Variants in TMPRSS15 observed in about 807,000 individuals in gnomAD.
The protein encoded by TMPRSS15 is enteropeptidase.
Under a neutral mutation model 125.3 loss-of-function variants are expected in TMPRSS15, and 128 were observed. The observed-to-expected ratio is 1.02, with a 90% CI of 0.89 to 1.18. The LOEUF (loss-of-function observed/expected upper bound fraction) is 1.18, where lower values mean the gene tolerates loss of function less well. Among genes scored for constraint, TMPRSS15 ranks in the 50% most tolerant of loss-of-function variants. TMPRSS15 has a pLI of 0.00. For missense variants in TMPRSS15, 1,283 were observed against 1,212.7 expected, an observed-to-expected ratio of 1.06 and a Z score of -0.86; for synonymous variants, 446 against 423.2, an observed-to-expected ratio of 1.05 and a Z score of -0.66.
chr21:18,398,113 C>T (rs1364215053), intron 2 of TMPRSS15, 86 bp downstream of exon 2: 32 of 1,495,048 alleles, frequency 2.1e-5, no homozygotes, highest in Non-Finnish European at 3.0e-5. Flanking sequence ...CATTTATTCT[C>T]TAGTTGTTTC....
At chr21:18,330,000 TAC>T (rs776176501) in intron 14 of TMPRSS15, among the ~76,000 whole-genome samples, 2 of 152,204 alleles carry the variant, frequency 1.3e-5, no homozygotes, top group Non-Finnish European at 2.9e-5. Context: ...TATATGGCTG[TAC>T]ATATTTCAAA....
chr21:18,460,894 G>T (rs138994462), intron 1 of TMPRSS15, among the ~76,000 whole-genome samples: 47 of 152,208 alleles, frequency 3.1e-4, no homozygotes, highest in African/African-American at 8.9e-4. Flanking sequence ...ACATGTTATT[G>T]CTATTTCCTT....
At chr21:18,287,025 T>C (rs924117170) in intron 21 of TMPRSS15, among the ~76,000 whole-genome samples, 1 of 152,246 alleles carries the variant, frequency 6.6e-6, no homozygotes, top group East Asian at 1.9e-4. Context: ...AACCACTGTA[T>C]CGAAAACAAC....
At chr21:18,358,924 C>G (rs1318099635) in intron 8 of TMPRSS15, among the ~76,000 whole-genome samples, 2 of 151,952 alleles carry the variant, frequency 1.3e-5, no homozygotes, top group African/African-American at 4.8e-5. Flanking sequence ...ATTTGAGAGG[C>G]AAGGTTCTTA....
intron 16 of TMPRSS15, among the ~76,000 whole-genome samples, chr21:18,315,884 G>C (rs979371410): frequency 1.3e-4 from 20 of 149,310 alleles, no homozygotes; most frequent in Non-Finnish European, 2.5e-4. Flanking sequence ...TGAGTCCTTT[G>C]CCACAGCTCA....
Position 18,269,494 on chromosome 21 carries a change from G to GAAAC in TMPRSS15, c.*471_*474dup, listed in dbSNP as rs1462527994. The GAAAC allele has an allele frequency of 6.3e-6, 1 of 157,548 alleles. No individual in the cohort carries two copies. The highest frequency in any genetic ancestry group is 1.9e-4 in the East Asian group (1 of 5,358). 9.8% of individuals were successfully genotyped at this position (157,548 alleles called of 1,614,324 possible). ...TGAAAATTTTGATAGAAAAGACAGAGAAACAATTGAGTTTCTGCTAATAGC... is the reference window on the plus strand; with the variant it reads ...TGAAAATTTTGATAGAAAAGACAGAGAAACAAACAATTGAGTTTCTGCTAATAGC... On this transcript the variant is annotated 3_prime_UTR_variant, in exon 25 of 25. Coordinates refer to ENST00000284885, the MANE Select transcript of TMPRSS15 (RefSeq NM_002772.3).
At position 18,270,171 on chromosome 21, in the gene TMPRSS15, A is replaced by T. The variant is rs892153149; in HGVS notation, c.2905-47T>A. 3 of 1,479,188 alleles carry T rather than the reference A, an allele frequency of 2.0e-6. No homozygotes were observed. In the African/African-American group the frequency reaches 4.2e-5, roughly 21 times the overall value. The allele number at this position is 1,479,188 out of a possible 1,614,324, so 91.6% of individuals were successfully genotyped here. A position where few individuals can be genotyped will look rare whatever the true frequency, so the allele number is the denominator to read the frequency against. On this transcript the variant is annotated intron_variant, in intron 24 of 24. Transcript: ENST00000284885. ...AAAATTGTAGATATGTGGTCAATTG[A>T]TCGAAACATATAAAATTATTTGTAT... is the stretch of plus-strand genomic sequence containing the variant.
In TMPRSS15 at chr21:18,281,025, ATTTT is replaced by A. The variant is rs3215891; in HGVS notation, c.2668+11_2668+14del. 5.2e-6 allele frequency: 7 copies of A among 1,350,546 alleles called. No individual in the cohort carries two copies. Among genetic ancestry groups the A allele is most frequent in the Non-Finnish European group, 7.2e-6 (7 of 969,208 alleles). 83.7% of individuals were successfully genotyped at this position (1,350,546 alleles called of 1,614,324 possible). On this transcript the variant is annotated intron_variant, in intron 22 of 24. Transcript: ENST00000284885. ...TTGGCAGATAAGATGACTAAGAGTG[ATTTT>A]TTTTTTTTACCTGTGTAATTCACTT...
At chr21:18,369,283 A>C (rs735587) in intron 6 of TMPRSS15, among the ~76,000 whole-genome samples, 4,385 of 152,266 alleles carry the variant, frequency 0.029, 196 homozygotes, top group African/African-American at 0.098. Flanking sequence ...TCTCCAGGAT[A>C]TATAAATCAA....
At position 18,343,958 on chromosome 21, in the gene TMPRSS15, A is replaced by C. The variant is rs779827707; in HGVS notation, c.1274T>G (p.Phe425Cys). 5.6e-6 allele frequency: 9 copies of C among 1,613,850 alleles called. No homozygotes were observed. The highest frequency in any genetic ancestry group is 6.8e-6 in the Non-Finnish European group (8 of 1,179,876). The change falls in exon 11 of 25, where the codon TTC becomes TGC. Residue 425 changes from phenylalanine to cysteine, a missense_variant. Transcript: ENST00000284885. ...TAAACAGGTGTCTACAACATACCAG[A>C]AACTAAGGCAAGCTGGCTCCAAAGT... is the stretch of plus-strand genomic sequence containing the variant. ...DPTLEPACLS[F>C]WYHMYGENVH...
At chr21:18,384,224 C>G (rs1416719578) in intron 3 of TMPRSS15, among the ~76,000 whole-genome samples, 1 of 152,132 alleles carries the variant, frequency 6.6e-6, no homozygotes, top group Non-Finnish European at 1.5e-5. Context: ...GAAAATTTTT[C>G]TACATAGTTT....
intron 1 of TMPRSS15, among the ~76,000 whole-genome samples, chr21:18,424,632 C>T (rs1313851898): frequency 6.6e-6 from 1 of 152,092 alleles, no homozygotes; most frequent in African/African-American, 2.4e-5. Context: ...AATGCCAACT[C>T]TGCAGATTCA....
At chr21:18,464,823 C>T in intron 1 of TMPRSS15, among the ~76,000 whole-genome samples, 1 of 152,124 alleles carries the variant, frequency 6.6e-6, no homozygotes, top group South Asian at 2.1e-4. Flanking sequence ...CCAATTTCTA[C>T]CAGAGGTACA....
rs544595826 is a variant in TMPRSS15, at chr21:18,379,196, G to A, written c.532+87C>T. The A allele has an allele frequency of 2.4e-4, 128 of 526,606 alleles. No homozygotes were observed. In the South Asian group the frequency reaches 6.8e-3, roughly 28 times the overall value. 32.6% of individuals were successfully genotyped at this position (526,606 alleles called of 1,614,324 possible). On this transcript the variant is annotated intron_variant, in intron 5 of 24. Transcript: ENST00000284885. ...AATAGGCACAATATTTATTGCTAAGGCACCAGAGACTTCTCAGGGGCCTAA... is the reference window on the plus strand; with the variant it reads ...AATAGGCACAATATTTATTGCTAAGACACCAGAGACTTCTCAGGGGCCTAA...
Position 18,294,447 on chromosome 21 carries a change from A to AT in TMPRSS15, c.2312-4dup, listed in dbSNP as rs755889485. ...AGCTGCCAGTTTTTTTCCACAAGCT[A>AT]TTAAAATAATTGGAGAAAGAGCATC... On this transcript the variant is annotated splice_region_variant and splice_polypyrimidine_tract_variant and intron_variant, in intron 20 of 24. Coordinates refer to ENST00000284885, the MANE Select transcript of TMPRSS15 (RefSeq NM_002772.3). The AT allele has an allele frequency of 6.2e-7, 1 of 1,614,206 alleles. No individual in the cohort carries two copies. Among genetic ancestry groups the AT allele is most frequent in the Non-Finnish European group, 8.5e-7 (1 of 1,180,018 alleles).
intron 21 of TMPRSS15, among the ~76,000 whole-genome samples, chr21:18,284,930 G>A (rs1180182613): frequency 1.3e-5 from 2 of 152,022 alleles, no homozygotes; most frequent in East Asian, 3.9e-4. Flanking sequence ...GAACCCGGGA[G>A]GCAGAGGTTC....
intron 14 of TMPRSS15, 61 bp from the exon 15 acceptor site, chr21:18,329,355 C>A: frequency 6.5e-7 from 1 of 1,537,788 alleles, no homozygotes. Context: ...TTAAAAGCTT[C>A]ACTCTCTTGA....
At chr21:18,369,974 G>GAA (rs67549160) in intron 6 of TMPRSS15, among the ~76,000 whole-genome samples, 1 of 141,984 alleles carries the variant, frequency 7.0e-6, no homozygotes, top group Non-Finnish European at 1.5e-5. Context: ...TTACTTAAAC[G>GAA]AAAAAAAAAA....
chr21:18,360,239 C>G (rs762140716), intron 7 of TMPRSS15, among the ~76,000 whole-genome samples: 1 of 152,098 alleles, frequency 6.6e-6, no homozygotes, highest in Non-Finnish European at 1.5e-5. Flanking sequence ...ATAATGTTCT[C>G]AAGGTTCTTC....
Sources: allele counts gnomAD v4.1 joint callset (sites outside exome capture counted in the v4.1 genomes callset), GRCh38; gene constraint gnomAD v4.1.1; transcripts MANE v1.5; gene names NCBI Gene and HGNC (gene_info 2026-07-23, HGNC 2026-07-21).